Variants in SPTAN1 observed in about 807,000 individuals in gnomAD.
The protein encoded by SPTAN1 is spectrin alpha, non-erythrocytic 1.
In SPTAN1, 61 loss-of-function variants were observed where a neutral mutation model predicts 331.3. The observed-to-expected ratio is 0.18, with a 90% confidence interval of 0.15 to 0.23. The LOEUF is 0.23. Among genes scored for constraint, SPTAN1 ranks in the 10% least tolerant of loss-of-function variants. SPTAN1 has a pLI of 1.00. For synonymous variants in SPTAN1, 1,153 were observed against 1,173.9 expected (o/e 0.98, Z 0.36); for missense variants, 2,043 against 3,147.9 (o/e 0.65, Z 8.40).
chr9:128,606,310 G>A (rs555367144), intron 31 of SPTAN1, among the ~76,000 whole-genome samples: 19 of 140,870 alleles, frequency 1.3e-4, no homozygotes, highest in African/African-American at 4.9e-4. Context: ...TGGAGGCGGA[G>A]GTTGCAGTGA....
intron 3 of SPTAN1, among the ~76,000 whole-genome samples, chr9:128,573,675 C>T (rs531154956): frequency 7.9e-5 from 12 of 151,698 alleles, no homozygotes; most frequent in African/African-American, 1.2e-4. Flanking sequence ...AGGCTGGTCT[C>T]GAACTCCCGA....
chr9:128,576,223 T>C (rs1022856004), intron 5 of SPTAN1, among the ~76,000 whole-genome samples: 7 of 152,068 alleles, frequency 4.6e-5, no homozygotes, highest in Admixed American at 1.3e-4. Context: ...CAAAATGTGG[T>C]TGGTAGGGAA....
intron 36 of SPTAN1, 143 bp from the exon 37 acceptor site, chr9:128,609,508 G>A: frequency 1.1e-6 from 1 of 946,072 alleles, no homozygotes; most frequent in Non-Finnish European, 1.6e-6. Context: ...TGTAATAAAA[G>A]TCTATAGAAT....
Position 128,629,508 on chromosome 9 carries a change from A to C in SPTAN1, c.6708-813A>C, listed in dbSNP as rs1470835449. ...GGTTTTAAAAGGGTAGGTTGGGGTG[A>C]ATGTGGGTACAGGGGAGCCTGGGCT... On this transcript the variant is annotated intron_variant, in intron 51 of 56. Transcript: ENST00000372739. This position sits in a 1 kb window ranked among gnomAD's most constrained non-coding sequence, Gnocchi z 4.9. 6.6e-6 allele frequency among the ~76,000 whole-genome samples: 1 copy of C among 152,114 alleles called. No homozygotes were observed. The highest frequency in any genetic ancestry group is 1.5e-5 in the Non-Finnish European group (1 of 67,994).
At chr9:128,571,877 G>T (rs1850768666) in intron 3 of SPTAN1, among the ~76,000 whole-genome samples, 1 of 152,092 alleles carries the variant, frequency 6.6e-6, no homozygotes, top group Non-Finnish European at 1.5e-5. Flanking sequence ...TTATTTTTGA[G>T]ACAGGGTCTT....
In SPTAN1 at chr9:128,592,074, T is replaced by C. The variant is rs1853611261; in HGVS notation, c.3155+449T>C. On this transcript the variant is annotated intron_variant, in intron 22 of 56. Coordinates refer to ENST00000372739, the MANE Select transcript of SPTAN1 (RefSeq NM_001130438.3). ...GAGCCCCCATATTGCCCTGTGTCCC[T>C]CCTTTAGGGTATTTCTGACTCCACT... 2.6e-5 allele frequency among the ~76,000 whole-genome samples: 4 copies of C among 152,224 alleles called. No individual in the cohort carries two copies. In the South Asian group the frequency reaches 8.3e-4, roughly 32 times the overall value.
Position 128,591,288 on chromosome 9 carries a change from C to G in SPTAN1, c.3007-189C>G, listed in dbSNP as rs10819420. 0.97 allele frequency among the ~76,000 whole-genome samples: 147,208 copies of G among 152,054 alleles called. 71,430 individuals are homozygous for G. Among genetic ancestry groups the G allele is most frequent in the Non-Finnish European group, 1 (67,974 of 68,018 alleles). The stretch of plus-strand genomic sequence containing the variant: ...TCACTGTGTTGGCCAGGATGGTCTC[C>G]ATCTCCTGACCTCGTAATCCACCCG... On this transcript the variant is annotated intron_variant, in intron 21 of 56. Coordinates refer to ENST00000372739, the MANE Select transcript of SPTAN1 (RefSeq NM_001130438.3).
intron 21 of SPTAN1, 49 bp from the exon 22 acceptor site, chr9:128,591,428 C>T: frequency 6.2e-7 from 1 of 1,612,756 alleles, no homozygotes; most frequent in Non-Finnish European, 8.5e-7. Flanking sequence ...CTTGGATTCT[C>T]CCTCTCAGAG....
chr9:128,606,268 C>T (rs1855835259), intron 31 of SPTAN1, among the ~76,000 whole-genome samples: 1 of 141,818 alleles, frequency 7.1e-6, no homozygotes, highest in Admixed American at 7.4e-5. Flanking sequence ...TCCAGCTACT[C>T]GGGAGGCTGA....
chr9:128,626,225 G>A (rs1408495553), intron 48 of SPTAN1, 166 bp from the exon 49 acceptor site: 1 of 1,019,700 alleles, frequency 9.8e-7, no homozygotes, highest in Non-Finnish European at 1.5e-6. Context: ...AAAAAGGCTG[G>A]TGAAGACTTG....
Position 128,627,283 on chromosome 9 carries a change from G to A in SPTAN1, c.6577-103G>A. The A allele has an allele frequency of 9.9e-7, 1 of 1,006,944 alleles. No individual in the cohort carries two copies. Among genetic ancestry groups the A allele is most frequent in the South Asian group, 1.5e-5 (1 of 67,802 alleles). 62.4% of individuals were successfully genotyped at this position (1,006,944 alleles called of 1,614,324 possible). A position where few individuals can be genotyped will look rare whatever the true frequency, so the allele number is the denominator to read the frequency against. On this transcript the variant is annotated intron_variant, in intron 49 of 56. Transcript: ENST00000372739. The surrounding 1 kb of genome is among the most constrained non-coding windows in gnomAD (Gnocchi z 4.9). Reference sequence around the variant, plus strand: ...GCCTCCTCCTCTCATCTTTGGGGAGGTTCCTTGTGGGGAGGCCACCACCAC... The same window carrying A: ...GCCTCCTCCTCTCATCTTTGGGGAGATTCCTTGTGGGGAGGCCACCACCAC...
At chr9:128,557,093 A>G (rs1403495519) in intron 1 of SPTAN1, among the ~76,000 whole-genome samples, 1 of 152,214 alleles carries the variant, frequency 6.6e-6, no homozygotes, top group Non-Finnish European at 1.5e-5. Flanking sequence ...AATGGTTTCT[A>G]TGATCTTTTG....
At chr9:128,630,130 C>T (rs758124433) in intron 51 of SPTAN1, 191 bp from the exon 52 acceptor site, 30 of 763,296 alleles carry the variant, frequency 3.9e-5, no homozygotes, top group African/African-American at 2.7e-4. Flanking sequence ...ATCTCTAAAA[C>T]GGGAGAAATG....
intron 1 of SPTAN1, among the ~76,000 whole-genome samples, chr9:128,560,507 A>T (rs1422472979): frequency 6.6e-6 from 1 of 151,770 alleles, no homozygotes; most frequent in Non-Finnish European, 1.5e-5. Flanking sequence ...CAGCCTCCTG[A>T]GTAGATGGGA....
At position 128,575,297 on chromosome 9, in the gene SPTAN1, T is replaced by C. The variant is rs370807034; in HGVS notation, c.603T>C (p.His201=). ...AGTTTCAAACAGATATGGCTGCTCA[T>C]GAAGAAAGAGTTAATGAAGTGAACC... ...FEEFQTDMAA[H]EERVNEVNQF... is the part of the protein sequence containing the mutation. Residue 201 remains histidine, a synonymous_variant, in exon 5 of 57, where the codon CAT becomes CAC. Transcript: ENST00000372739. 9 of 1,613,874 alleles carry C rather than the reference T, an allele frequency of 5.6e-6. No individual in the cohort carries two copies. In the African/African-American group the frequency reaches 8.0e-5, roughly 14 times the overall value.
At chr9:128,584,874 G>GT in intron 18 of SPTAN1, 31 bp downstream of exon 18, 1 of 1,614,106 alleles carries the variant, frequency 6.2e-7, no homozygotes, top group Non-Finnish European at 8.5e-7. Context: ...ACATGGCTTG[G>GT]TGCTGCTCCT....
At chr9:128,584,105 A>T in intron 16 of SPTAN1, 136 bp downstream of exon 16, 1 of 1,431,688 alleles carries the variant, frequency 7.0e-7, no homozygotes, top group Non-Finnish European at 9.6e-7. Context: ...TCTGTGCTGC[A>T]TGTGCTTCTG....
At position 128,572,259 on chromosome 9, in the gene SPTAN1, CCTA is replaced by C. The variant is rs576572420; in HGVS notation, c.364-2413_364-2411del. On this transcript the variant is annotated intron_variant, in intron 3 of 56. Transcript: ENST00000372739. The stretch of plus-strand genomic sequence containing the variant: ...AAGGCTCCTGTTGCTTGCTTATGTC[CCTA>C]CTGAGAAATCCACCTGAGTCAGAAC... Among the ~76,000 whole-genome samples the C allele has an allele frequency of 3.5e-4, 54 of 152,274 alleles. No homozygotes were observed. The South Asian group carries it at 0.011, about 31-fold the overall frequency.
chr9:128,628,180 G>A (rs761497732), intron 51 of SPTAN1: 19 of 687,354 alleles, frequency 2.8e-5, no homozygotes, highest in South Asian at 5.8e-5. Context: ...CTCACTGGGC[G>A]ATTCCAAGGG....
Sources: gnomAD v4.1 joint callset for allele counts (sites outside exome capture counted in the v4.1 genomes callset) on GRCh38, gnomAD v4.1.1 for gene constraint, Gnocchi (gnomAD v3.1) non-coding constraint, MANE v1.5 for transcripts, NCBI Gene and HGNC (gene_info 2026-07-23, HGNC 2026-07-21) for gene names.